RYR3: variants seen among roughly 807,000 people sequenced by gnomAD.
RYR3 encodes ryanodine receptor 3.
A neutral mutation model predicts 584.3 loss-of-function variants in RYR3; 207 were observed. The ratio of observed to expected loss-of-function variants is 0.35; its 90% confidence interval spans 0.32 to 0.40. The LOEUF is 0.40. RYR3 is among the 10% of genes least tolerant of loss of function. The pLI, the probability that RYR3 is intolerant of heterozygous loss-of-function variation, is 1.00. For synonymous variants in RYR3, 2,416 were observed against 2,248.5 expected, an observed-to-expected ratio of 1.07 and a Z score of -2.11; for missense variants, 5,616 against 6,089.2, an observed-to-expected ratio of 0.92 and a Z score of 2.59.
At chr15:33,793,431 T>C (rs770970258) in intron 67 of RYR3, among the ~76,000 whole-genome samples, 3 of 152,186 alleles carry the variant, frequency 2.0e-5, no homozygotes, top group Non-Finnish European at 2.9e-5. Flanking sequence ...ACCATGTGCT[T>C]GGTCTTTCTG....
At chr15:33,839,986 A>T (rs1003417480) in intron 89 of RYR3, among the ~76,000 whole-genome samples, 1 of 152,218 alleles carries the variant, frequency 6.6e-6, no homozygotes, top group African/African-American at 2.4e-5. Flanking sequence ...CATAGGTTCA[A>T]AGCAGAAAAC....
intron 67 of RYR3, among the ~76,000 whole-genome samples, chr15:33,797,314 A>G (rs1325696385): frequency 6.6e-6 from 1 of 152,134 alleles, no homozygotes; most frequent in East Asian, 1.9e-4. Context: ...CTAGGTATCT[A>G]CAAGAAAATC....
At chr15:33,441,113 A>T (rs1490434324) in intron 1 of RYR3, among the ~76,000 whole-genome samples, 3 of 152,226 alleles carry the variant, frequency 2.0e-5, no homozygotes, top group African/African-American at 7.2e-5. Flanking sequence ...GGGTCACTTC[A>T]GTGGTGAGAA....
intron 1 of RYR3, among the ~76,000 whole-genome samples, chr15:33,374,485 GT>G: frequency 6.6e-6 from 1 of 152,134 alleles, no homozygotes; most frequent in Admixed American, 6.5e-5. Context: ...ATTATGGTCA[GT>G]GCCAACTATG....
intron 3 of RYR3, among the ~76,000 whole-genome samples, chr15:33,504,550 C>A (rs1369950021): frequency 1.3e-5 from 2 of 152,060 alleles, no homozygotes; most frequent in Non-Finnish European, 2.9e-5. Flanking sequence ...CTATACTTAC[C>A]CCCTCCTCCC....
At chr15:33,680,621 G>A (rs1419253359) in intron 38 of RYR3, among the ~76,000 whole-genome samples, 4 of 152,206 alleles carry the variant, frequency 2.6e-5, no homozygotes, top group African/African-American at 9.6e-5. Context: ...GCCAATTCGT[G>A]TACCAGAGTG....
At chr15:33,512,233 C>T (rs2053098389) in intron 3 of RYR3, among the ~76,000 whole-genome samples, 1 of 152,170 alleles carries the variant, frequency 6.6e-6, no homozygotes. Context: ...TTATGCAACT[C>T]CAGCTCTGCT....
intron 1 of RYR3, among the ~76,000 whole-genome samples, chr15:33,368,455 G>C (rs1975825415): frequency 6.7e-6 from 1 of 150,220 alleles, no homozygotes; most frequent in Non-Finnish European, 1.5e-5. Context: ...GGAGACACAG[G>C]GTTCAGCAGC....
intron 3 of RYR3, among the ~76,000 whole-genome samples, chr15:33,530,316 T>C (rs2054758791): frequency 6.6e-6 from 1 of 152,228 alleles, no homozygotes; most frequent in South Asian, 2.1e-4. Context: ...TACATGCTTC[T>C]CTGGTAGAAC....
At chr15:33,730,058 C>T (rs940728560) in intron 47 of RYR3, among the ~76,000 whole-genome samples, 2 of 150,926 alleles carry the variant, frequency 1.3e-5, no homozygotes, top group South Asian at 4.2e-4. Context: ...CCAGTCTAAC[C>T]CAATGTTTTG....
intron 16 of RYR3, among the ~76,000 whole-genome samples, chr15:33,595,840 A>C (rs1307542897): frequency 6.6e-6 from 1 of 152,072 alleles, no homozygotes; most frequent in African/African-American, 2.4e-5. Context: ...AATTTATCTC[A>C]GTTTTTTTCC....
chr15:33,528,832 C>A (rs956899643), intron 3 of RYR3, among the ~76,000 whole-genome samples: 5 of 152,120 alleles, frequency 3.3e-5, no homozygotes, highest in Admixed American at 3.3e-4. Flanking sequence ...ATGACACCCC[C>A]CTCCCCCAGC....
At chr15:33,815,810 G>T (rs1425820718) in intron 74 of RYR3, 1 of 398,466 alleles carries the variant, frequency 2.5e-6, no homozygotes, top group East Asian at 3.6e-5. Flanking sequence ...GTTTTTAAAA[G>T]AAAACTTGTA....
intron 3 of RYR3, among the ~76,000 whole-genome samples, chr15:33,512,591 C>T (rs2053128490): frequency 6.6e-6 from 1 of 152,194 alleles, no homozygotes; most frequent in Non-Finnish European, 1.5e-5. Context: ...CTGTCTGATC[C>T]TGGCGGTGTT....
chr15:33,534,388 C>T (rs766512806), intron 5 of RYR3, among the ~76,000 whole-genome samples: 1 of 152,148 alleles, frequency 6.6e-6, no homozygotes, highest in African/African-American at 2.4e-5. Context: ...GGGAGAAGAG[C>T]GAGACTTCGT....
rs1271971746 is a variant in RYR3, at chr15:33,776,392, T to C, written c.9137+2777T>C. ...CGAATTATTTAACTTGGAGATACTT[T>C]GATGAACTTAAAGAGCATTTGATGG... is the stretch of plus-strand genomic sequence containing the variant. On this transcript the variant is annotated intron_variant, in intron 64 of 103. Coordinates refer to ENST00000634891, the MANE Select transcript of RYR3 (RefSeq NM_001036.6). Among the ~76,000 whole-genome samples the C allele has an allele frequency of 2.6e-5, 4 of 152,252 alleles. No individual in the cohort carries two copies. The East Asian group carries it at 7.7e-4, about 29-fold the overall frequency.
Position 33,785,942 on chromosome 15 carries a change from C to T in RYR3, c.9549C>T (p.Asn3183=), listed in dbSNP as rs771748852. 1 of 1,606,036 alleles carries T rather than the reference C, an allele frequency of 6.2e-7. No individual in the cohort carries two copies. Residue 3183 remains asparagine (N), a synonymous_variant, in exon 66 of 104, where the codon AAC becomes AAT. Transcript: ENST00000634891. ...ACATTCTGAAAATCATCAACAACAA[C>T]CTGGGCATCGATGAGGCCTCCTGGA... ...LGNILKIINN[N]LGIDEASWMK...
chr15:33,575,930 T>C (rs1351206921), intron 12 of RYR3, among the ~76,000 whole-genome samples: 4 of 151,954 alleles, frequency 2.6e-5, no homozygotes, highest in African/African-American at 9.7e-5. Flanking sequence ...AAGGGGATAT[T>C]AGCATTGACC....
At chr15:33,495,430 T>C (rs16971754) in intron 2 of RYR3, among the ~76,000 whole-genome samples, 11,230 of 152,186 alleles carry the variant, frequency 0.074, 467 homozygotes, top group Non-Finnish European at 0.085. Context: ...TCTTTCTGAG[T>C]CTTTCTCACC....
Sources: gnomAD v4.1 joint callset for allele counts (sites outside exome capture counted in the v4.1 genomes callset) on GRCh38, gnomAD v4.1.1 for gene constraint, MANE v1.5 for transcripts, NCBI Gene and HGNC (gene_info 2026-07-23, HGNC 2026-07-21) for gene names.